Variants in ZNF345 observed in about 807,000 individuals in gnomAD.
ZNF345 encodes the protein zinc finger protein 345.
For missense variants in ZNF345, 527 were observed against 589.9 expected, an observed-to-expected ratio of 0.89 and a Z score of 1.10; for synonymous variants, 166 against 187.9, an observed-to-expected ratio of 0.88 and a Z score of 0.95.
Position 36,877,142 on chromosome 19 carries a change from C to G in ZNF345, c.312C>G (p.Asn104Lys). ...GCAAGGCCTTTGGTAGTGGTGCAAACCTTGCTTACCATCAAAGAATTCATA... is the reference window on the plus strand; with the variant it reads ...GCAAGGCCTTTGGTAGTGGTGCAAAGCTTGCTTACCATCAAAGAATTCATA... ...ECGKAFGSGA[N>K]LAYHQRIHTG... The change falls in exon 3 of 3, where the codon AAC becomes AAG. Residue 104 changes from asparagine to lysine, a missense_variant. By Grantham distance (94) the Asn-to-Lys change is moderately conservative (BLOSUM62 0). Coordinates refer to ENST00000420450, the MANE Select transcript of ZNF345 (RefSeq NM_001242472.2). 1 of 1,613,812 alleles carries G rather than the reference C, an allele frequency of 6.2e-7. No homozygotes were observed. The highest frequency in any genetic ancestry group is 8.5e-7 in the Non-Finnish European group (1 of 1,179,914).
intron 2 of ZNF345, chr19:36,862,797 T>C (rs1302346289): frequency 6.6e-6 from 1 of 152,130 alleles, no homozygotes; most frequent in Non-Finnish European, 1.5e-5. Context: ...AATTCATATC[T>C]TGAAAGCCTA....
rs748338334 is a variant in ZNF345 at position 36,877,737 on chromosome 19, C to G, written c.907C>G (p.Gln303Glu). 9 of 1,613,920 alleles carry G rather than the reference C, an allele frequency of 5.6e-6. No homozygotes were observed. In the South Asian group the frequency reaches 9.9e-5, roughly 18 times the overall value. ...TTTTAATAGTGGCTCAGATCTCACT[C>G]AGCATCAGAGAATTCACACTGGTGA... is the stretch of plus-strand genomic sequence containing the variant. Reference protein sequence around the residue: ...KAFNSGSDLTQHQRIHTGEKP... With the variant: ...KAFNSGSDLTEHQRIHTGEKP... Residue 303 changes from glutamine to glutamate, a missense_variant, in exon 3 of 3, where the codon CAG becomes GAG. By Grantham distance (29) the Gln-to-Glu change is conservative. Coordinates refer to ENST00000420450, the MANE Select transcript of ZNF345 (RefSeq NM_001242472.2).
intron 3 of ZNF345, among the ~76,000 whole-genome samples, chr19:36,885,296 A>T (rs1037160071): frequency 1.3e-5 from 2 of 151,514 alleles, no homozygotes; most frequent in African/African-American, 4.8e-5. Flanking sequence ...CTTGCTTACT[A>T]GCTTTTTTGA....
At chr19:36,891,373 A>G in intron 3 of ZNF345, 1 of 1,035,074 alleles carries the variant, frequency 9.7e-7, no homozygotes, top group East Asian at 2.8e-5. Context: ...TTGTTATCGT[A>G]TCGTTTAAAA....
intron 2 of ZNF345, among the ~76,000 whole-genome samples, chr19:36,855,033 A>G (rs1271499218): frequency 6.9e-6 from 1 of 145,330 alleles, no homozygotes; most frequent in African/African-American, 2.6e-5. Flanking sequence ...TTGTATTTTT[A>G]GTAGAGACGG....
In ZNF345 at chr19:36,884,900, C is replaced by T. The variant is rs924804107; in HGVS notation, c.47-7918C>T. 2.0e-5 allele frequency among the ~76,000 whole-genome samples: 3 copies of T among 152,162 alleles called. No homozygotes were observed. The East Asian group carries it at 5.8e-4, about 29-fold the overall frequency. ...AGGAATATACTTTGACTTACTCATT[C>T]TTTCGTTGATGGGTATCTGTATTGT... On this transcript the variant is annotated intron_variant, in intron 3 of 3. Transcript: ENST00000526123.
intron 3 of ZNF345, chr19:36,892,411 A>G: frequency 3.7e-6 from 6 of 1,610,664 alleles, no homozygotes; most frequent in Non-Finnish European, 5.1e-6. Flanking sequence ...GGTAATTATT[A>G]CTTGACTGAA....
At chr19:36,880,123 G>A (rs1268586988), downstream of ZNF345, among the ~76,000 whole-genome samples, 1 of 151,898 alleles carries the variant, frequency 6.6e-6, no homozygotes, top group African/African-American at 2.4e-5. Context: ...TTGAGGCCAG[G>A]AGCCTAGCCA....
chr19:36,886,242 A>G (rs71356021), intron 3 of ZNF345, among the ~76,000 whole-genome samples: 13,408 of 152,230 alleles, frequency 0.088, 637 homozygotes, highest in Admixed American at 0.11. Flanking sequence ...GTGGAGCATA[A>G]CCCCGCTCCT....
intron 2 of ZNF345, among the ~76,000 whole-genome samples, chr19:36,859,006 T>C: frequency 6.6e-6 from 1 of 152,020 alleles, no homozygotes; most frequent in East Asian, 1.9e-4. Flanking sequence ...GAAAATACAC[T>C]GGTCATCTTA....
At chr19:36,885,726 A>G (rs1185015895) in intron 3 of ZNF345, among the ~76,000 whole-genome samples, 1 of 152,188 alleles carries the variant, frequency 6.6e-6, no homozygotes, top group African/African-American at 2.4e-5. Flanking sequence ...GTGAAAGGAT[A>G]CATATTTCAA....
At chr19:36,853,200 A>G (rs2072324254) in intron 2 of ZNF345, among the ~76,000 whole-genome samples, 1 of 150,734 alleles carries the variant, frequency 6.6e-6, no homozygotes, top group African/African-American at 2.4e-5. Flanking sequence ...CAAGATAATG[A>G]AGATTTTCTT....
At chr19:36,852,761 A>C (rs980638201) in intron 2 of ZNF345, among the ~76,000 whole-genome samples, 1 of 152,144 alleles carries the variant, frequency 6.6e-6, no homozygotes, top group Non-Finnish European at 1.5e-5. Flanking sequence ...AAAACTCTTA[A>C]ATTTTTGCCA....
Position 36,878,845 on chromosome 19 carries a change from G to A in ZNF345, c.*548G>A, listed in dbSNP as rs1160131314. ...TCAGTGTTTTTTTGTTTTTGTTTTT[G>A]TTTTTGTTTTTTTGAGATGGAGTCT... On this transcript the variant is annotated 3_prime_UTR_variant, in exon 3 of 3. Coordinates refer to ENST00000420450, the MANE Select transcript of ZNF345 (RefSeq NM_001242472.2). 6.0e-6 allele frequency: 1 copy of A among 166,756 alleles called. No individual in the cohort carries two copies. Among genetic ancestry groups the A allele is most frequent in the Non-Finnish European group, 1.5e-5 (1 of 68,382 alleles). 10.3% of individuals were successfully genotyped at this position (166,756 alleles called of 1,614,324 possible).
chr19:36,887,863 G>A (rs1485914839), intron 3 of ZNF345, among the ~76,000 whole-genome samples: 13 of 152,024 alleles, frequency 8.6e-5, no homozygotes, highest in Admixed American at 7.2e-4. Flanking sequence ...TTTGCCTGAG[G>A]TACAATTTAA....
intron 2 of ZNF345, among the ~76,000 whole-genome samples, chr19:36,857,773 A>G (rs996778636): frequency 1.3e-5 from 2 of 152,002 alleles, no homozygotes; most frequent in African/African-American, 4.8e-5. Flanking sequence ...CATTTAAGCT[A>G]TTCTTTTTTT....
At chr19:36,869,796 C>G (rs113372622) in intron 2 of ZNF345, among the ~76,000 whole-genome samples, 24,244 of 147,490 alleles carry the variant, frequency 0.16, 2,318 homozygotes, top group Middle Eastern at 0.27. Context: ...GAGTCTTGCT[C>G]TGTCGCCCCG....
rs750650886 is a variant in ZNF345 at position 36,878,304 on chromosome 19, G to A, written c.*7G>A. On this transcript the variant is annotated 3_prime_UTR_variant, in exon 3 of 3. Transcript: ENST00000420450. ...ATTGGAAACTATAAATTGAAATTAT[G>A]TGCTGAAGGAAGGACTCTAAACATA... The A allele has an allele frequency of 6.4e-7, 1 of 1,552,130 alleles. No homozygotes were observed. Among genetic ancestry groups the A allele is most frequent in the Non-Finnish European group, 8.7e-7 (1 of 1,154,100 alleles).
intron 2 of ZNF345, among the ~76,000 whole-genome samples, chr19:36,853,167 G>A (rs1276931105): frequency 6.8e-6 from 1 of 146,490 alleles, no homozygotes. Context: ...GGTTAGTCTT[G>A]TTTAAGAAAT....
Sources: allele counts gnomAD v4.1 joint callset (sites outside exome capture counted in the v4.1 genomes callset), GRCh38; gene constraint gnomAD v4.1.1; transcripts MANE v1.5; gene names NCBI Gene and HGNC (gene_info 2026-07-23, HGNC 2026-07-21).